LRRC37A2: variants seen among roughly 807,000 people sequenced by gnomAD.
LRRC37A2 encodes the protein leucine rich repeat containing 37 member A2.
Under a neutral mutation model 68.8 loss-of-function variants are expected in LRRC37A2, and 9 were observed. That is an observed-to-expected ratio of 0.13 (90% CI 0.08 to 0.23). The LOEUF (loss-of-function observed/expected upper bound fraction) is 0.23, where lower values mean the gene tolerates loss of function less well. Ranked by LOEUF, LRRC37A2 falls within the 10% of genes least tolerant of loss-of-function variation. The pLI is 1.00. For missense variants in LRRC37A2, 168 were observed against 950.4 expected, an observed-to-expected ratio of 0.18 and a Z score of 10.82; for synonymous variants, 63 against 367.6, an observed-to-expected ratio of 0.17 and a Z score of 9.48.
At chr17:47,008,758 G>A in the LRRC37A2 span, among the ~76,000 whole-genome samples, 2 of 152,194 alleles carry the variant, frequency 1.3e-5, no homozygotes, top group South Asian at 2.1e-4. Context: ...GATTATAGGC[G>A]TGAGCCACTG....
At chr17:46,890,140 C>G in the LRRC37A2 span, among the ~76,000 whole-genome samples, 1 of 152,206 alleles carries the variant, frequency 6.6e-6, no homozygotes, top group Non-Finnish European at 1.5e-5. Flanking sequence ...CTCCTCGCTC[C>G]TCTTCCCTCC....
chr17:46,891,584 C>G, the LRRC37A2 span, among the ~76,000 whole-genome samples: 2 of 152,202 alleles, frequency 1.3e-5, 1 homozygote, highest in East Asian at 3.8e-4. Flanking sequence ...TTCTCCCTCC[C>G]AAAGCTATCA....
At chr17:46,989,912 G>A in the LRRC37A2 span, among the ~76,000 whole-genome samples, 1 of 152,232 alleles carries the variant, frequency 6.6e-6, no homozygotes, top group Non-Finnish European at 1.5e-5. Context: ...ATGACAGAGC[G>A]AGACCAGCAG....
At chr17:46,946,205 G>A in the LRRC37A2 span, among the ~76,000 whole-genome samples, 3 of 151,610 alleles carry the variant, frequency 2.0e-5, no homozygotes, top group East Asian at 5.8e-4. Context: ...GGAGGCCGAG[G>A]TGGGCAGATC....
At chr17:47,021,602 A>C in the LRRC37A2 span, 1 of 541,458 alleles carries the variant, frequency 1.8e-6, no homozygotes, top group Admixed American at 3.9e-5. Context: ...ATTAACTGGC[A>C]TCATCTGTCC....
the LRRC37A2 span, among the ~76,000 whole-genome samples, chr17:47,028,104 G>A: frequency 9.8e-5 from 15 of 152,340 alleles, no homozygotes; most frequent in African/African-American, 2.2e-4. Context: ...AATGCACCAC[G>A]TGTGCAGTGT....
At chr17:46,774,984 G>A in the LRRC37A2 span, among the ~76,000 whole-genome samples, 1 of 152,298 alleles carries the variant, frequency 6.6e-6, no homozygotes, top group East Asian at 1.9e-4. Context: ...CAAGGCTTTG[G>A]TCCAGCATTG....
At chr17:46,881,216 A>C in the LRRC37A2 span, among the ~76,000 whole-genome samples, 11 of 152,286 alleles carry the variant, frequency 7.2e-5, no homozygotes, top group African/African-American at 2.6e-4. Flanking sequence ...CATTGCCTTA[A>C]CTGGGCTCCC....
the LRRC37A2 span, among the ~76,000 whole-genome samples, chr17:46,970,364 A>C: frequency 6.6e-6 from 1 of 152,166 alleles, no homozygotes; most frequent in East Asian, 1.9e-4. Flanking sequence ...ACAATGGTGA[A>C]ACCCTGTCTC....
the LRRC37A2 span, among the ~76,000 whole-genome samples, chr17:46,968,253 C>T: frequency 2.0e-5 from 3 of 152,196 alleles, no homozygotes; most frequent in East Asian, 5.8e-4. Context: ...CAACTTCCTC[C>T]ATTCCAGACC....
At chr17:46,898,273 G>A in the LRRC37A2 span, among the ~76,000 whole-genome samples, 1 of 151,914 alleles carries the variant, frequency 6.6e-6, no homozygotes, top group Non-Finnish European at 1.5e-5. Context: ...CAAATAGATG[G>A]CCTCAGAGCC....
chr17:46,679,063 G>A, the LRRC37A2 span, among the ~76,000 whole-genome samples: 4 of 152,068 alleles, frequency 2.6e-5, no homozygotes, highest in Admixed American at 2.0e-4. Flanking sequence ...TTTATAGAGA[G>A]CTTACCTAAA....
the LRRC37A2 span, among the ~76,000 whole-genome samples, chr17:46,819,115 A>G: frequency 1.3e-5 from 2 of 152,046 alleles, no homozygotes; most frequent in Non-Finnish European, 2.9e-5. The surrounding 1 kb of genome is among the most constrained non-coding windows in gnomAD (Gnocchi z 5.3). Context: ...CCCGCGAGGA[A>G]TCGAGGGTAG....
the LRRC37A2 span, chr17:46,978,260 A>C: frequency 1.2e-5 from 3 of 250,772 alleles, no homozygotes; most frequent in African/African-American, 6.9e-5. Context: ...TCACATCTTC[A>C]CCCACTCGCA....
At chr17:46,763,306 C>T in the LRRC37A2 span, 6 of 152,240 alleles carry the variant, frequency 3.9e-5, no homozygotes, top group South Asian at 2.1e-4. Context: ...TTCTCTAGGA[C>T]GCTCAGCTGG....
the LRRC37A2 span, chr17:46,930,930 A>T: frequency 3.2e-6 from 2 of 624,646 alleles, no homozygotes; most frequent in Non-Finnish European, 5.7e-6. Flanking sequence ...AACAACATTT[A>T]CGGCCTAACT....
the LRRC37A2 span, among the ~76,000 whole-genome samples, chr17:46,944,691 C>T: frequency 6.6e-6 from 1 of 151,766 alleles, no homozygotes; most frequent in African/African-American, 2.4e-5. Context: ...CCTCTGCCTC[C>T]TGGGTTCAAG....
At chr17:46,931,944 A>G in the LRRC37A2 span, 53 of 814,876 alleles carry the variant, frequency 6.5e-5, 1 homozygote, top group Middle Eastern at 1.7e-3. Flanking sequence ...GTGAGGGGGT[A>G]TAGTGTGGGG....
At chr17:46,917,992 C>A in the LRRC37A2 span, among the ~76,000 whole-genome samples, 1 of 152,192 alleles carries the variant, frequency 6.6e-6, no homozygotes, top group Non-Finnish European at 1.5e-5. Context: ...AAACAAATAT[C>A]TAAGTACTTT....
Sources: allele counts gnomAD v4.1 joint callset (sites outside exome capture counted in the v4.1 genomes callset), GRCh38; gene constraint gnomAD v4.1.1; non-coding constraint Gnocchi (gnomAD v3.1); transcripts MANE v1.5; gene names NCBI Gene and HGNC (gene_info 2026-07-23, HGNC 2026-07-21).